Variants in NKAIN3 observed in about 807,000 individuals in gnomAD.
The protein encoded by NKAIN3 is sodium/potassium-transporting ATPase subunit beta-1-interacting protein 3.
NKAIN3 carries 25 observed loss-of-function variants against 30.2 expected under a neutral mutation model. The ratio of observed to expected loss-of-function variants is 0.83; its 90% CI spans 0.60 to 1.16. NKAIN3 has a LOEUF of 1.16. NKAIN3 is among the 50% of genes most tolerant of loss of function. The pLI is 0.00. For missense variants in NKAIN3, 225 were observed against 254.1 expected (o/e 0.89, Z 0.78); for synonymous variants, 91 against 89.6 (o/e 1.02, Z -0.09).
At chr8:62,336,669 A>C (rs1815562768) in intron 1 of NKAIN3, among the ~76,000 whole-genome samples, 2 of 151,920 alleles carry the variant, frequency 1.3e-5, no homozygotes, top group Admixed American at 1.3e-4. Flanking sequence ...TGTTGTGTAA[A>C]AATTGACCCT....
At chr8:62,530,901 T>C (rs183425084) in intron 1 of NKAIN3, among the ~76,000 whole-genome samples, 1 of 152,134 alleles carries the variant, frequency 6.6e-6, no homozygotes, top group Non-Finnish European at 1.5e-5. Context: ...CACCTCGGCC[T>C]CCCAACGTGC....
At chr8:62,390,008 T>C (rs1019157175) in intron 1 of NKAIN3, among the ~76,000 whole-genome samples, 15 of 152,152 alleles carry the variant, frequency 9.9e-5, no homozygotes, top group African/African-American at 3.6e-4. Flanking sequence ...TAGATATATG[T>C]AACTTTTTCT....
At chr8:62,788,547 C>T (rs1382904866) in intron 4 of NKAIN3, among the ~76,000 whole-genome samples, 1 of 152,108 alleles carries the variant, frequency 6.6e-6, no homozygotes, top group Admixed American at 6.6e-5. Context: ...AATTAGATTC[C>T]GTTTGTCAAT....
rs946179857 is a variant in NKAIN3 at position 62,912,368 on chromosome 8, T to A, written c.472-6085T>A. 3.3e-5 allele frequency among the ~76,000 whole-genome samples: 5 copies of A among 152,184 alleles called. No homozygotes were observed. In the South Asian group the frequency reaches 1.0e-3, roughly 32 times the overall value. On this transcript the variant is annotated intron_variant, in intron 4 of 6. Coordinates refer to ENST00000623646, the MANE Select transcript of NKAIN3 (RefSeq NM_001304533.3). ...CCACACTGCTGTAGACTATAAACAC[T>A]GTACACTTAGGCTATACTACATTTA... is the stretch of plus-strand genomic sequence containing the variant.
chr8:62,777,251 G>A (rs1371294428), intron 4 of NKAIN3, among the ~76,000 whole-genome samples: 1 of 152,098 alleles, frequency 6.6e-6, no homozygotes, highest in East Asian at 1.9e-4. Flanking sequence ...AGGTTTGGAC[G>A]TTCTTTGATA....
chr8:62,836,692 T>C (rs926486017), intron 4 of NKAIN3, among the ~76,000 whole-genome samples: 5 of 152,062 alleles, frequency 3.3e-5, no homozygotes, highest in Non-Finnish European at 7.4e-5. Context: ...TGGCTGGAGC[T>C]GAGTGGAGGG....
chr8:62,342,423 G>C (rs1815780099), intron 1 of NKAIN3, among the ~76,000 whole-genome samples: 1 of 151,972 alleles, frequency 6.6e-6, no homozygotes, highest in Non-Finnish European at 1.5e-5. Context: ...GTATCCTTTT[G>C]AATACAGATT....
At chr8:62,348,016 A>ATTTTTTATTGT (rs1019878401) in intron 1 of NKAIN3, among the ~76,000 whole-genome samples, 2 of 124,768 alleles carry the variant, frequency 1.6e-5, no homozygotes, top group Non-Finnish European at 3.9e-5. Flanking sequence ...AACTGTCGGT[A>ATTTTTTATTGT]TTTTTTATTG....
intron 3 of NKAIN3, among the ~76,000 whole-genome samples, chr8:62,725,678 T>C (rs763651619): frequency 1.1e-4 from 17 of 152,130 alleles, no homozygotes; most frequent in Non-Finnish European, 2.4e-4. Flanking sequence ...ACGGATTTAT[T>C]TCTGGGTTCT....
intron 1 of NKAIN3, among the ~76,000 whole-genome samples, chr8:62,369,680 G>C (rs892435549): frequency 1.3e-5 from 2 of 151,842 alleles, no homozygotes; most frequent in African/African-American, 2.4e-5. Flanking sequence ...TCTGACTCCT[G>C]ATGGCTACAT....
At chr8:62,819,131 C>A (rs1054385189) in intron 4 of NKAIN3, among the ~76,000 whole-genome samples, 1 of 118,062 alleles carries the variant, frequency 8.5e-6, no homozygotes, top group East Asian at 2.2e-4. Flanking sequence ...ACAGAATTAT[C>A]GTTATATATA....
intron 4 of NKAIN3, among the ~76,000 whole-genome samples, chr8:62,821,306 T>C (rs1276746665): frequency 2.0e-5 from 3 of 152,208 alleles, no homozygotes; most frequent in Admixed American, 1.3e-4. Context: ...TATTTGTCTG[T>C]TTCCTCTTTC....
chr8:62,964,745 A>G (rs146816264), intron 6 of NKAIN3, among the ~76,000 whole-genome samples: 1 of 152,214 alleles, frequency 6.6e-6, no homozygotes, highest in African/African-American at 2.4e-5. Context: ...CCCACATTAC[A>G]GACGGCAATC....
At chr8:62,498,394 C>T (rs1807310301) in intron 1 of NKAIN3, among the ~76,000 whole-genome samples, 1 of 152,006 alleles carries the variant, frequency 6.6e-6, no homozygotes, top group Non-Finnish European at 1.5e-5. Context: ...TCATCTCATT[C>T]CCTACCTTTC....
intron 3 of NKAIN3, among the ~76,000 whole-genome samples, chr8:62,593,890 T>G (rs1172233193): frequency 6.6e-6 from 1 of 152,024 alleles, no homozygotes; most frequent in East Asian, 1.9e-4. Flanking sequence ...CTGGGCTCTG[T>G]GTACTAGCAG....
At chr8:62,621,285 G>C (rs866564618) in intron 3 of NKAIN3, among the ~76,000 whole-genome samples, 2 of 152,016 alleles carry the variant, frequency 1.3e-5, no homozygotes, top group African/African-American at 4.8e-5. Flanking sequence ...GTGAAGTTTT[G>C]ATTTGTGAGT....
chr8:62,956,735 T>C (rs1177539372), intron 6 of NKAIN3, among the ~76,000 whole-genome samples: 1 of 152,226 alleles, frequency 6.6e-6, no homozygotes, highest in Non-Finnish European at 1.5e-5. Flanking sequence ...TTGCCTACAC[T>C]GTGCACAACA....
At chr8:62,406,623 GCAT>G (rs1163663703) in intron 1 of NKAIN3, among the ~76,000 whole-genome samples, 3 of 152,170 alleles carry the variant, frequency 2.0e-5, no homozygotes, top group South Asian at 2.1e-4. Context: ...TTATTTCAAA[GCAT>G]CATATTTATA....
At chr8:62,423,893 A>T (rs1804722452) in intron 1 of NKAIN3, among the ~76,000 whole-genome samples, 1 of 152,060 alleles carries the variant, frequency 6.6e-6, no homozygotes, top group Non-Finnish European at 1.5e-5. Flanking sequence ...ATGCAGCAGC[A>T]TGATGCATTT....
Sources: allele counts gnomAD v4.1 joint callset (sites outside exome capture counted in the v4.1 genomes callset), GRCh38; gene constraint gnomAD v4.1.1; transcripts MANE v1.5; gene names NCBI Gene and HGNC (gene_info 2026-07-23, HGNC 2026-07-21).